FOXK1: variants seen among roughly 807,000 people sequenced by gnomAD.
FOXK1 encodes the protein forkhead box protein K1.
FOXK1 carries 19 observed loss-of-function variants against 51.9 expected under a neutral mutation model. That is an observed-to-expected ratio of 0.37 (90% CI 0.26 to 0.54). FOXK1 has a LOEUF of 0.54. FOXK1 is among the 20% of genes least tolerant of loss of function. FOXK1 has a pLI of 0.87. For missense variants in FOXK1, 870 were observed against 1,032.7 expected (o/e 0.84, Z 2.16); for synonymous variants, 537 against 482.6 (o/e 1.11, Z -1.48).
chr7:4,750,275 G>T (rs959494402), intron 2 of FOXK1, among the ~76,000 whole-genome samples: 1 of 151,906 alleles, frequency 6.6e-6, no homozygotes, highest in Non-Finnish European at 1.5e-5. Context: ...CTAGGGACTG[G>T]GGGGGGCCTG....
chr7:4,768,127 T>TC lies in FOXK1; in HGVS notation c.*5663_*5664insC, dbSNP rs1204632925. On this transcript the variant is annotated 3_prime_UTR_variant, in exon 9 of 9. Coordinates refer to ENST00000328914, the MANE Select transcript of FOXK1 (RefSeq NM_001037165.2). ...AGACCCATTTCACTGACTTCTTTTT[T>TC]TTTTTTTTTTTTTTTTTTTTTTTGA... The TC allele has an allele frequency of 8.5e-6, 1 of 117,960 alleles. No homozygotes were observed. The highest frequency in any genetic ancestry group is 1.7e-5 in the Non-Finnish European group (1 of 59,896). 7.3% of individuals were successfully genotyped at this position (117,960 alleles called of 1,614,324 possible). A position where few individuals can be genotyped will look rare whatever the true frequency, so the allele number is the denominator to read the frequency against.
rs910756175 is a variant in FOXK1 at position 4,747,243 on chromosome 7, T to A, written c.746+6220T>A. Among the ~76,000 whole-genome samples the A allele has an allele frequency of 6.6e-6, 1 of 152,092 alleles. No individual in the cohort carries two copies. The stretch of plus-strand genomic sequence containing the variant: ...CTGTTGCATGGCTTCTGTGCGGGCA[T>A]GTTACGCACGAGGACAGCCCTTTCC... On this transcript the variant is annotated intron_variant, in intron 2 of 8. Transcript: ENST00000328914. This position sits in a 1 kb window ranked among gnomAD's most constrained non-coding sequence, Gnocchi z 9.2.
At chr7:4,760,459 G>C (rs1371195011) in intron 7 of FOXK1, among the ~76,000 whole-genome samples, 1 of 152,202 alleles carries the variant, frequency 6.6e-6, no homozygotes, top group Non-Finnish European at 1.5e-5. Context: ...TTTGGTGAGG[G>C]AAGGCCAAGT....
Position 4,756,882 on chromosome 7 carries a change from A to G in FOXK1, c.1051-112A>G, listed in dbSNP as rs1224315484. Reference sequence around the variant, plus strand: ...GCCAGCACAGCACCAAGGGCTCTGCACAGAGGGACGGCCTCCCCTCACCCT... The same window carrying G: ...GCCAGCACAGCACCAAGGGCTCTGCGCAGAGGGACGGCCTCCCCTCACCCT... On this transcript the variant is annotated intron_variant, in intron 4 of 8. Transcript: ENST00000328914. This position sits in a 1 kb window ranked among gnomAD's most constrained non-coding sequence, Gnocchi z 4.1. The G allele has an allele frequency of 2.5e-6, 3 of 1,186,784 alleles. No individual in the cohort carries two copies. Among genetic ancestry groups the G allele is most frequent in the African/African-American group, 1.5e-5 (1 of 66,322 alleles). The allele number at this position is 1,186,784 out of a possible 1,614,324, so 73.5% of individuals were successfully genotyped here.
intron 1 of FOXK1, among the ~76,000 whole-genome samples, chr7:4,708,820 T>C (rs1050025222): frequency 1.3e-5 from 2 of 151,938 alleles, no homozygotes; most frequent in Non-Finnish European, 2.9e-5. Context: ...ATCCCAGCAC[T>C]TTGGGAGGCT....
At chr7:4,754,852 C>A (rs150249051) in intron 3 of FOXK1, 1 of 611,764 alleles carries the variant, frequency 1.6e-6, no homozygotes, top group Non-Finnish European at 2.8e-6. Flanking sequence ...CCGAGGGCCC[C>A]TCCCGCCACG....
In FOXK1 at chr7:4,723,890, C is replaced by T. The variant is rs1583196318; in HGVS notation, c.561-16948C>T. ...CTCACTATGTTGCCCAGGCCGGTCT[C>T]GACCTCCTAGGCTCAAGCGATCCTC... On this transcript the variant is annotated intron_variant, in intron 1 of 8. Coordinates refer to ENST00000328914, the MANE Select transcript of FOXK1 (RefSeq NM_001037165.2). The surrounding 1 kb of genome is among the most constrained non-coding windows in gnomAD (Gnocchi z 4.7). 1.3e-5 allele frequency among the ~76,000 whole-genome samples: 2 copies of T among 152,276 alleles called. No individual in the cohort carries two copies. Among genetic ancestry groups the T allele is most frequent in the East Asian group, 3.9e-4 (2 of 5,194 alleles).
chr7:4,728,246 C>T (rs1481701650), intron 1 of FOXK1, among the ~76,000 whole-genome samples: 4 of 152,146 alleles, frequency 2.6e-5, no homozygotes, highest in South Asian at 2.1e-4. Flanking sequence ...ACAGCAAAGG[C>T]GGTATTGTTG....
rs1047281192 is a variant in FOXK1, at chr7:4,763,987, A to T, written c.*1523A>T. On this transcript the variant is annotated 3_prime_UTR_variant, in exon 9 of 9. Transcript: ENST00000328914. ...TTCTTGGAAATCGCCCGTCCTCCGC[A>T]TCACAGCCTCTCACCAGCAAAGCAG... The T allele has an allele frequency of 2.6e-5, 4 of 152,302 alleles. No individual in the cohort carries two copies. Among genetic ancestry groups the T allele is most frequent in the South Asian group, 2.1e-4 (1 of 4,836 alleles). The allele number at this position is 152,302 out of a possible 1,614,324, so 9.4% of individuals were successfully genotyped here.
intron 7 of FOXK1, among the ~76,000 whole-genome samples, chr7:4,760,354 C>T (rs1192909578): frequency 6.6e-6 from 1 of 152,182 alleles, no homozygotes; most frequent in Non-Finnish European, 1.5e-5. Flanking sequence ...CTCCGGAACG[C>T]CTGCAGTTAG....
rs930462521 is a variant in FOXK1, at chr7:4,715,711, G to A, written c.561-25127G>A. Among the ~76,000 whole-genome samples, 14 of 152,162 alleles carry A rather than the reference G, an allele frequency of 9.2e-5. No homozygotes were observed. The highest frequency in any genetic ancestry group is 2.2e-4 in the African/African-American group (9 of 41,432). On this transcript the variant is annotated intron_variant, in intron 1 of 8. Transcript: ENST00000328914. The surrounding 1 kb of genome is among the most constrained non-coding windows in gnomAD (Gnocchi z 4.5). The stretch of plus-strand genomic sequence containing the variant: ...GTCAAGTCAGTCTGTAGTGCACGCC[G>A]TTAGATTGGTTGTCATTGGCCAAGC...
intron 7 of FOXK1, 199 bp downstream of exon 7, chr7:4,759,794 G>A (rs964913849): frequency 3.0e-6 from 2 of 673,360 alleles, no homozygotes; most frequent in Non-Finnish European, 4.9e-6. Context: ...GCTTTGGGAG[G>A]CCAAAGCGGG....
chr7:4,703,142 T>G lies in FOXK1; in HGVS notation c.560+20274T>G, dbSNP rs1455633447. Among the ~76,000 whole-genome samples the G allele has an allele frequency of 6.6e-6, 1 of 152,034 alleles. No homozygotes were observed. Among genetic ancestry groups the G allele is most frequent in the Non-Finnish European group, 1.5e-5 (1 of 68,004 alleles). On this transcript the variant is annotated intron_variant, in intron 1 of 8. Coordinates refer to ENST00000328914, the MANE Select transcript of FOXK1 (RefSeq NM_001037165.2). The surrounding 1 kb of genome is among the most constrained non-coding windows in gnomAD (Gnocchi z 5.6). Reference sequence around the variant, plus strand: ...GCTGGGCTGGACTGGGAAGACTGGCTCTCTCAGGGGATTCCAGGGCAGGCG... The same window carrying G: ...GCTGGGCTGGACTGGGAAGACTGGCGCTCTCAGGGGATTCCAGGGCAGGCG...
rs56842360 is a variant in FOXK1 at position 4,705,517 on chromosome 7, T to TTCTCTCTCTC, written c.560+22682_560+22691dup. Among the ~76,000 whole-genome samples the TTCTCTCTCTC allele has an allele frequency of 5.3e-3, 593 of 111,382 alleles. 8 individuals are homozygous for TTCTCTCTCTC. The highest frequency in any genetic ancestry group is 0.013 in the African/African-American group (370 of 28,700). The allele number at this position is 111,382 out of a possible 152,430, so 73.1% of individuals were successfully genotyped here. On this transcript the variant is annotated intron_variant, in intron 1 of 8. Transcript: ENST00000328914. ...ATTCTTCTGTGTCATTTCCTTCTCT[T>TTCTCTCTCTC]TCTCTCTCTCTCTCTCTCTCTCTCT...
Position 4,715,625 on chromosome 7 carries a change from C to T in FOXK1, c.561-25213C>T, listed in dbSNP as rs1258000958. Among the ~76,000 whole-genome samples, 3 of 152,270 alleles carry T rather than the reference C, an allele frequency of 2.0e-5. No individual in the cohort carries two copies. Among genetic ancestry groups the T allele is most frequent in the East Asian group, 1.9e-4 (1 of 5,184 alleles). ...TGGTGTTGTGAAATACGGAACTTGG[C>T]GAGTTCTTGCGGCCATCCCTTTTGT... On this transcript the variant is annotated intron_variant, in intron 1 of 8. Coordinates refer to ENST00000328914, the MANE Select transcript of FOXK1 (RefSeq NM_001037165.2). The surrounding 1 kb of genome is among the most constrained non-coding windows in gnomAD (Gnocchi z 4.5).
At position 4,747,871 on chromosome 7, in the gene FOXK1, G is replaced by A. The variant is rs2115065764; in HGVS notation, c.747-6588G>A. Among the ~76,000 whole-genome samples, 1 of 151,912 alleles carries A rather than the reference G, an allele frequency of 6.6e-6. No individual in the cohort carries two copies. The highest frequency in any genetic ancestry group is 1.9e-4 in the East Asian group (1 of 5,178). On this transcript the variant is annotated intron_variant, in intron 2 of 8. Transcript: ENST00000328914. This position sits in a 1 kb window ranked among gnomAD's most constrained non-coding sequence, Gnocchi z 9.2. ...TTGTTTTTGTTTTGTTTTGAAGCAGGGTCTTGTTCTGACACCCAGGCCGGA... is the reference window on the plus strand; with the variant it reads ...TTGTTTTTGTTTTGTTTTGAAGCAGAGTCTTGTTCTGACACCCAGGCCGGA...
At position 4,768,565 on chromosome 7, in the gene FOXK1, CT is replaced by C. The variant is rs1327733975; in HGVS notation, c.*6102del. ...CAGGCAGAGGCTGCAGCCCTCAGCTCTGCTGCTGGATGGAACATTTCAACCC... is the reference window on the plus strand; with the variant it reads ...CAGGCAGAGGCTGCAGCCCTCAGCTCGCTGCTGGATGGAACATTTCAACCC... On this transcript the variant is annotated 3_prime_UTR_variant, in exon 9 of 9. Transcript: ENST00000328914. 6.6e-6 allele frequency: 1 copy of C among 152,626 alleles called. No individual in the cohort carries two copies. The highest frequency in any genetic ancestry group is 2.4e-5 in the African/African-American group (1 of 41,472). 9.5% of individuals were successfully genotyped at this position (152,626 alleles called of 1,614,324 possible).
chr7:4,762,586 G>A lies in FOXK1; in HGVS notation c.*122G>A, dbSNP rs545470825. On this transcript the variant is annotated 3_prime_UTR_variant, in exon 9 of 9. Coordinates refer to ENST00000328914, the MANE Select transcript of FOXK1 (RefSeq NM_001037165.2). The surrounding 1 kb of genome is among the most constrained non-coding windows in gnomAD (Gnocchi z 5.7). ...AGCCCGCGGCGGCCTGTGGGCATCG[G>A]CGGCACCTGGACACACCCAGCCCTT... 6.3e-6 allele frequency: 6 copies of A among 955,072 alleles called. No homozygotes were observed. Among genetic ancestry groups the A allele is most frequent in the East Asian group, 2.7e-5 (1 of 37,694 alleles). 59.2% of individuals were successfully genotyped at this position (955,072 alleles called of 1,614,324 possible).
intron 1 of FOXK1, among the ~76,000 whole-genome samples, chr7:4,720,429 C>T (rs1780293966): frequency 1.3e-5 from 2 of 152,132 alleles, no homozygotes. Context: ...GTAATCTTTA[C>T]TGTTTCAGCT....
Sources: allele counts gnomAD v4.1 joint callset (sites outside exome capture counted in the v4.1 genomes callset), GRCh38; gene constraint gnomAD v4.1.1; non-coding constraint Gnocchi (gnomAD v3.1); transcripts MANE v1.5; gene names NCBI Gene and HGNC (gene_info 2026-07-23, HGNC 2026-07-21).